The following PPM1B variants were observed in gnomAD, a reference collection of about 807,000 sequenced individuals.
The protein encoded by PPM1B is protein phosphatase 1B.
In PPM1B, 22 loss-of-function variants were observed where a neutral mutation model predicts 43.0. That is an observed-to-expected ratio of 0.51 (90% CI 0.37 to 0.73). The LOEUF (loss-of-function observed/expected upper bound fraction) is 0.73, where lower values mean the gene tolerates loss of function less well. Among genes scored for constraint, PPM1B ranks in the 30% least tolerant of loss-of-function variants. The pLI is 0.00. For synonymous variants in PPM1B, 217 were observed against 197.9 expected (o/e 1.10, Z -0.81); for missense variants, 632 against 584.2 (o/e 1.08, Z -0.84).
chr2:44,180,670 G>A (rs2104018571), intron 1 of PPM1B, among the ~76,000 whole-genome samples: 1 of 152,046 alleles, frequency 6.6e-6, no homozygotes, highest in South Asian at 2.1e-4. Flanking sequence ...GAGTGCAGGA[G>A]TGTGATCATA....
At chr2:44,214,627 G>T in intron 3 of PPM1B, among the ~76,000 whole-genome samples, 1 of 152,064 alleles carries the variant, frequency 6.6e-6, no homozygotes. Context: ...TTACTAAGAG[G>T]AAGCATCAAC....
chr2:44,175,717 A>AT (rs1172031878), intron 1 of PPM1B, among the ~76,000 whole-genome samples: 5 of 152,180 alleles, frequency 3.3e-5, no homozygotes, highest in African/African-American at 1.2e-4. Context: ...CTGTAATTGG[A>AT]TAAAAACTAG....
At chr2:44,243,190 G>A (rs1670786820) in intron 5 of PPM1B, among the ~76,000 whole-genome samples, 2 of 152,180 alleles carry the variant, frequency 1.3e-5, no homozygotes, top group African/African-American at 4.8e-5. Context: ...ACTAGAGAGA[G>A]GGCTAAGATG....
intron 1 of PPM1B, among the ~76,000 whole-genome samples, chr2:44,181,316 G>A (rs1459990069): frequency 6.6e-6 from 1 of 152,188 alleles, no homozygotes; most frequent in Non-Finnish European, 1.5e-5. Context: ...AAAACTGACT[G>A]TGAGGTGGGA....
At chr2:44,238,688 C>T (rs570355013), downstream of PPM1B, among the ~76,000 whole-genome samples, 7 of 150,392 alleles carry the variant, frequency 4.7e-5, no homozygotes, top group South Asian at 2.1e-4. Flanking sequence ...GGCGACAGAG[C>T]GAGAATCTGT....
At chr2:44,176,883 C>G (rs1667607385) in intron 1 of PPM1B, among the ~76,000 whole-genome samples, 1 of 152,076 alleles carries the variant, frequency 6.6e-6, no homozygotes, top group Non-Finnish European at 1.5e-5. Context: ...CCAGTTCAAG[C>G]GATTCTCCTG....
chr2:44,199,489 A>G (rs1244433839), intron 1 of PPM1B, among the ~76,000 whole-genome samples: 1 of 152,138 alleles, frequency 6.6e-6, no homozygotes, highest in Non-Finnish European at 1.5e-5. Context: ...CCAAAAAAGA[A>G]AGAAAAGTGA....
chr2:44,242,034 A>G (rs972019340), intron 5 of PPM1B, among the ~76,000 whole-genome samples: 18 of 150,852 alleles, frequency 1.2e-4, no homozygotes, highest in Non-Finnish European at 2.1e-4. Flanking sequence ...AATTTTTTGT[A>G]TTTTTAGTAG....
chr2:44,186,297 A>G (rs1186929491), intron 1 of PPM1B, among the ~76,000 whole-genome samples: 1 of 152,228 alleles, frequency 6.6e-6, no homozygotes, highest in Non-Finnish European at 1.5e-5. Context: ...TTTCTTGGTA[A>G]CACTTTGGAG....
chr2:44,184,831 C>T (rs897081552), intron 1 of PPM1B, among the ~76,000 whole-genome samples: 2 of 151,660 alleles, frequency 1.3e-5, no homozygotes, highest in Non-Finnish European at 2.9e-5. Flanking sequence ...CTTCAATTAT[C>T]AATGTAGTAT....
At chr2:44,174,172 A>G (rs1232702197) in intron 1 of PPM1B, among the ~76,000 whole-genome samples, 1 of 152,262 alleles carries the variant, frequency 6.6e-6, no homozygotes, top group Non-Finnish European at 1.5e-5. Context: ...ATGTTTAAGT[A>G]TCATCAGTAT....
At chr2:44,183,761 C>T in intron 1 of PPM1B, among the ~76,000 whole-genome samples, 1 of 151,992 alleles carries the variant, frequency 6.6e-6, no homozygotes, top group East Asian at 1.9e-4. Context: ...TTTTTCAAGA[C>T]AGAGTCTCGC....
intron 1 of PPM1B, among the ~76,000 whole-genome samples, chr2:44,183,906 T>C (rs1223504817): frequency 2.6e-5 from 4 of 152,130 alleles, no homozygotes; most frequent in African/African-American, 7.2e-5. Flanking sequence ...CCCTGGCTAA[T>C]TTTTTGTGTC....
chr2:44,236,494 C>G (rs1228475170), downstream of PPM1B, among the ~76,000 whole-genome samples: 1 of 143,704 alleles, frequency 7.0e-6, no homozygotes, highest in African/African-American at 2.6e-5. Flanking sequence ...ATTCTTCTTT[C>G]TACCCAGGCT....
At chr2:44,213,950 C>T (rs1387469397) in intron 3 of PPM1B, among the ~76,000 whole-genome samples, 1 of 152,150 alleles carries the variant, frequency 6.6e-6, no homozygotes, top group East Asian at 1.9e-4. Flanking sequence ...CATAAAGAAA[C>T]TGGGTAGTTT....
chr2:44,194,165 A>AT (rs1668543034), intron 1 of PPM1B, among the ~76,000 whole-genome samples: 1 of 144,888 alleles, frequency 6.9e-6, no homozygotes, highest in South Asian at 2.2e-4. Context: ...TGTTTGATTT[A>AT]TTTTGCTTTT....
At chr2:44,234,828 T>C (rs549324582), downstream of PPM1B, among the ~76,000 whole-genome samples, 1 of 152,262 alleles carries the variant, frequency 6.6e-6, no homozygotes, top group Non-Finnish European at 1.5e-5. Flanking sequence ...CATGTTAATA[T>C]ATAAACCATT....
At chr2:44,169,669 C>CT (rs1667228377) in intron 1 of PPM1B, among the ~76,000 whole-genome samples, 3 of 152,244 alleles carry the variant, frequency 2.0e-5, no homozygotes, top group African/African-American at 4.8e-5. Context: ...TTTGAAAACA[C>CT]TATCTTTTAC....
intron 1 of PPM1B, among the ~76,000 whole-genome samples, chr2:44,177,510 C>T (rs1667637769): frequency 6.7e-6 from 1 of 148,572 alleles, no homozygotes; most frequent in Admixed American, 6.8e-5. Context: ...CCTCCGCCTT[C>T]AGGTTTTAAG....
Sources: gnomAD v4.1 joint callset for allele counts (sites outside exome capture counted in the v4.1 genomes callset) on GRCh38, gnomAD v4.1.1 for gene constraint, MANE v1.5 for transcripts, NCBI Gene and HGNC (gene_info 2026-07-23, HGNC 2026-07-21) for gene names.